Variants in AFDN observed in about 807,000 individuals in gnomAD.
AFDN encodes the protein afadin.
AFDN carries 68 observed loss-of-function variants against 216.6 expected under a neutral mutation model. The observed-to-expected ratio is 0.31, with a 90% CI of 0.26 to 0.38. The LOEUF (loss-of-function observed/expected upper bound fraction) is 0.38. AFDN is among the 10% of genes least tolerant of loss of function. The pLI is 1.00. For missense variants in AFDN, 2,136 were observed against 2,342.0 expected (o/e 0.91, Z 1.82); for synonymous variants, 868 against 853.7 (o/e 1.02, Z -0.29).
chr6:167,840,663 A>AAGAG (rs1780961517), intron 1 of AFDN, among the ~76,000 whole-genome samples: 1 of 152,184 alleles, frequency 6.6e-6, no homozygotes, highest in Admixed American at 6.5e-5. Flanking sequence ...TGTGACTGAG[A>AAGAG]AGAGTACTAT....
At chr6:167,865,276 A>G (rs1162596969) in intron 2 of AFDN, among the ~76,000 whole-genome samples, 1 of 152,080 alleles carries the variant, frequency 6.6e-6, no homozygotes, top group Non-Finnish European at 1.5e-5. Context: ...TAACATTAGA[A>G]ATTTCTGAAA....
At chr6:167,897,803 C>T (rs184549452) in intron 10 of AFDN, among the ~76,000 whole-genome samples, 49 of 152,074 alleles carry the variant, frequency 3.2e-4, no homozygotes, top group Admixed American at 3.1e-3. Flanking sequence ...CGCGCCACCA[C>T]GCCTGCTAAT....
In AFDN at chr6:167,862,627, G is replaced by A. The variant is rs142915792; in HGVS notation, c.106-1924G>A. Reference sequence around the variant, plus strand: ...TGATCTCAGGTGATCCGCCCACCTCGGCCTCCCGAAGTGCTGGGATTACAG... The same window carrying A: ...TGATCTCAGGTGATCCGCCCACCTCAGCCTCCCGAAGTGCTGGGATTACAG... On this transcript the variant is annotated intron_variant, in intron 1 of 33. Coordinates refer to ENST00000683244, the MANE Select transcript of AFDN (RefSeq NM_001386888.1). 5.8e-3 allele frequency among the ~76,000 whole-genome samples: 882 copies of A among 152,280 alleles called. 18 individuals carry two copies. The highest frequency in any genetic ancestry group is 0.02 in the African/African-American group (850 of 41,554).
In AFDN at chr6:167,966,010, A is replaced by G. The variant is rs570431188; in HGVS notation, c.5222A>G (p.Asn1741Ser). 58 of 1,550,044 alleles carry G rather than the reference A, an allele frequency of 3.7e-5. No individual in the cohort carries two copies. The highest frequency in any genetic ancestry group is 3.6e-4 in the South Asian group (30 of 84,060). The change falls in exon 32 of 34, where the codon AAT becomes AGT. Residue 1741 changes from asparagine (N) to serine (S), a missense_variant. By Grantham distance (46) the Asn-to-Ser change is conservative. Around this residue, in one of 8 missense-constraint regions of AFDN, gnomAD observed 981 missense variants for 966.0 expected, o/e 1.02. Transcript: ENST00000683244. ...SLFTAKFVAY[N>S]EEEEEEDCSL... Reference sequence around the variant, plus strand: ...TTCACTGCCAAGTTTGTTGCATACAATGAGGAGGAGGAGGAGGAGGACTGC... The same window carrying G: ...TTCACTGCCAAGTTTGTTGCATACAGTGAGGAGGAGGAGGAGGAGGACTGC...
At position 167,951,920 on chromosome 6, in the gene AFDN, G is replaced by A. The variant is rs750820169; in HGVS notation, c.4566G>A (p.Pro1522=). ...CGGGGGACAGTCTGTCCCCCGACCC[G>A]TGGAAGCGGGACGCCAAGGAGAAGC... ...LSSGDSLSPD[P]WKRDAKEKLE... The change falls in exon 30 of 34, where the codon CCG becomes CCA. Residue 1522 remains proline (P), a synonymous_variant. Transcript: ENST00000683244. This position sits in a 1 kb window ranked among gnomAD's most constrained non-coding sequence, Gnocchi z 7.1. 6.2e-6 allele frequency: 10 copies of A among 1,614,014 alleles called. No homozygotes were observed. The highest frequency in any genetic ancestry group is 2.7e-5 in the African/African-American group (2 of 74,920).
intron 1 of AFDN, among the ~76,000 whole-genome samples, chr6:167,861,044 G>T (rs755278076): frequency 2.4e-4 from 36 of 152,182 alleles, no homozygotes; most frequent in Non-Finnish European, 4.1e-4. Flanking sequence ...CAAGCTAGGT[G>T]TTGGTGGTCA....
intron 23 of AFDN, among the ~76,000 whole-genome samples, chr6:167,928,244 C>T (rs1792821798): frequency 2.0e-5 from 3 of 152,242 alleles, no homozygotes; most frequent in South Asian, 2.1e-4. Flanking sequence ...GCAGAAGGAG[C>T]GGAGCTCTGG....
chr6:167,891,271 A>G (rs1430159778), intron 8 of AFDN, among the ~76,000 whole-genome samples: 1 of 152,186 alleles, frequency 6.6e-6, no homozygotes, highest in Non-Finnish European at 1.5e-5. Context: ...GTATTCAGAA[A>G]CCAAATTTAG....
rs143865346 is a variant in AFDN at position 167,898,455 on chromosome 6, G to A, written c.1568G>A (p.Arg523Lys). The A allele has an allele frequency of 1.9e-4, 312 of 1,614,026 alleles. No homozygotes were observed. Among genetic ancestry groups the A allele is most frequent in the Non-Finnish European group, 2.5e-4 (298 of 1,179,910 alleles). ...GGAGGCCTGATGGTTAAGGGCCCAA[G>A]ACATAAACCTGGGTAAATAGATTAA... ...VDGGLMVKGP[R>K]HKPGIVQETT... is the part of the protein sequence containing the mutation. The change falls in exon 11 of 34, where the codon AGA (arginine) becomes AAA (lysine). Residue 523 changes from arginine (R) to lysine (K), a missense_variant. Around this residue, in one of 8 missense-constraint regions of AFDN, gnomAD observed 817 missense variants for 965.7 expected, o/e 0.85. Coordinates refer to ENST00000683244, the MANE Select transcript of AFDN (RefSeq NM_001386888.1).
At chr6:167,832,180 G>T (rs1236962159) in intron 1 of AFDN, among the ~76,000 whole-genome samples, 1 of 152,300 alleles carries the variant, frequency 6.6e-6, no homozygotes, top group South Asian at 2.1e-4. Context: ...TTGTAAGTTG[G>T]ATACTGAGCA....
At position 167,889,311 on chromosome 6, in the gene AFDN, T is replaced by A; in HGVS notation, c.994T>A (p.Trp332Arg). The A allele has an allele frequency of 2.5e-6, 4 of 1,611,592 alleles. No homozygotes were observed. The highest frequency in any genetic ancestry group is 3.4e-6 in the Non-Finnish European group (4 of 1,177,660). ...DECPLQIFRE[W>R]PSDKGILVFQ... Reference sequence around the variant, plus strand: ...GTGTCCTTTACAAATCTTCAGGGAATGGCCAAGTGACAAAGGTAGTAACCT... The same window carrying A: ...GTGTCCTTTACAAATCTTCAGGGAAAGGCCAAGTGACAAAGGTAGTAACCT... The change falls in exon 7 of 34, where the codon TGG (tryptophan) becomes AGG (arginine). Residue 332 changes from tryptophan to arginine, a missense_variant. Transcript: ENST00000683244.
At chr6:167,923,771 C>T (rs1343701591) in intron 22 of AFDN, among the ~76,000 whole-genome samples, 1 of 151,802 alleles carries the variant, frequency 6.6e-6, no homozygotes, top group African/African-American at 2.4e-5. Flanking sequence ...TACAGGTGCC[C>T]GCCACCACAC....
intron 1 of AFDN, among the ~76,000 whole-genome samples, chr6:167,842,162 C>G (rs1006058936): frequency 1.5e-4 from 23 of 152,140 alleles, no homozygotes; most frequent in African/African-American, 5.6e-4. Context: ...CAAAACACTG[C>G]TAGAACTGCC....
rs1787914664 is a variant in AFDN, at chr6:167,893,900, T to A, written c.1216T>A (p.Tyr406Asn). Reference protein sequence around the residue: ...NHFAYYNYHTYEDGSDSRDKP... With the variant: ...NHFAYYNYHTNEDGSDSRDKP... ...CTTTGCCTACTACAACTATCACACT[T>A]ACGAAGGTAATGCTATGCTTACTAC... Residue 406 changes from tyrosine to asparagine, a missense_variant, in exon 9 of 34, where the codon TAC (tyrosine) becomes AAC (asparagine). Transcript: ENST00000683244. The A allele has an allele frequency of 2.5e-6, 4 of 1,585,880 alleles. No homozygotes were observed. The highest frequency in any genetic ancestry group is 4.5e-5 in the East Asian group (2 of 44,174).
At chr6:167,850,995 GGCGATTCTCCTGCCTCCTGCATTCAA>G (rs1360234784) in intron 1 of AFDN, among the ~76,000 whole-genome samples, 1 of 151,832 alleles carries the variant, frequency 6.6e-6, no homozygotes, top group South Asian at 2.1e-4. Flanking sequence ...CCTGCATTCA[GGCGATTCTCCTGCCTCCTGCATTCAA>G]GCGATTCTCC....
chr6:167,873,619 C>T (rs775182125), intron 4 of AFDN, among the ~76,000 whole-genome samples: 5 of 152,182 alleles, frequency 3.3e-5, no homozygotes, highest in Non-Finnish European at 5.9e-5. Flanking sequence ...CTGAACCCAT[C>T]GGCAGACAGC....
chr6:167,933,581 G>A (rs999571065), intron 23 of AFDN, among the ~76,000 whole-genome samples: 1 of 152,144 alleles, frequency 6.6e-6, no homozygotes, highest in Non-Finnish European at 1.5e-5. Flanking sequence ...TTTCTTCCAC[G>A]GAGATGCCAG....
chr6:167,918,423 GATT>G (rs1266728506), intron 20 of AFDN, among the ~76,000 whole-genome samples: 1 of 152,148 alleles, frequency 6.6e-6, no homozygotes, highest in Admixed American at 6.5e-5. Flanking sequence ...GGAAAAAAAT[GATT>G]AGAAAAGAAA....
chr6:167,875,263 G>A (rs1216778854), intron 4 of AFDN, 72 bp from the exon 5 acceptor site: 1 of 1,437,222 alleles, frequency 7.0e-7, no homozygotes, highest in South Asian at 1.3e-5. Flanking sequence ...TGATTTTTGT[G>A]CGGTTGCAAT....
Sources: allele counts gnomAD v4.1 joint callset (sites outside exome capture counted in the v4.1 genomes callset), GRCh38; gene constraint gnomAD v4.1.1; regional missense constraint gnomAD v4.1.1; non-coding constraint Gnocchi (gnomAD v3.1); transcripts MANE v1.5; gene names NCBI Gene and HGNC (gene_info 2026-07-23, HGNC 2026-07-21).